Variants in CCT6A observed in about 807,000 individuals in gnomAD.
The protein encoded by CCT6A is chaperonin containing TCP1 subunit 6A.
A neutral mutation model predicts 58.6 loss-of-function variants in CCT6A; 6 were observed. The observed-to-expected ratio is 0.10, with a 90% CI of 0.06 to 0.20. The LOEUF (loss-of-function observed/expected upper bound fraction) is 0.20, where lower values mean the gene tolerates loss of function less well. Ranked by LOEUF, CCT6A falls within the 10% of genes least tolerant of loss-of-function variation. The probability of loss-of-function intolerance (pLI) is 1.00; values close to 1 mark genes in which losing one functional copy is unlikely to be tolerated. For missense variants in CCT6A, 516 were observed against 648.8 expected (o/e 0.80, Z 2.22); for synonymous variants, 245 against 227.8 (o/e 1.08, Z -0.68).
At chr7:56,057,495 A>G (rs1487763126) in intron 5 of CCT6A, among the ~76,000 whole-genome samples, 1 of 152,008 alleles carries the variant, frequency 6.6e-6, no homozygotes, top group Admixed American at 6.6e-5. Flanking sequence ...CTTGGTAGAA[A>G]ACATGTTTTT....
chr7:56,063,131 C>A lies in CCT6A; in HGVS notation c.*46C>A. On this transcript the variant is annotated 3_prime_UTR_variant, in exon 14 of 14. Transcript: ENST00000275603. ...TGAATCTTGAAGACTGCAAAGTGAT[C>A]CTGAGGATTACAGCTGTGGAATTTT... 1 of 1,272,266 alleles carries A rather than the reference C, an allele frequency of 7.9e-7. No individual in the cohort carries two copies. The highest frequency in any genetic ancestry group is 1.2e-6 in the Non-Finnish European group (1 of 867,744). The allele number at this position is 1,272,266 out of a possible 1,614,324, so 78.8% of individuals were successfully genotyped here. A position where few individuals can be genotyped will look rare whatever the true frequency, so the allele number is the denominator to read the frequency against.
intron 7 of CCT6A, 22 bp from the exon 8 acceptor site, chr7:56,058,598 T>C: frequency 1.3e-6 from 2 of 1,590,730 alleles, no homozygotes; most frequent in Non-Finnish European, 1.7e-6. Flanking sequence ...GATGTTGAAA[T>C]TAATTTTTAT....
intron 11 of CCT6A, among the ~76,000 whole-genome samples, chr7:56,061,484 C>T (rs1480377004): frequency 6.8e-6 from 1 of 146,012 alleles, no homozygotes; most frequent in African/African-American, 2.5e-5. Context: ...GCTGGGATTA[C>T]AGGCACCTGC....
At chr7:56,052,615 C>T (rs1038031986) in intron 2 of CCT6A, 130 bp downstream of exon 2, 1 of 759,306 alleles carries the variant, frequency 1.3e-6, no homozygotes, top group Non-Finnish European at 2.3e-6. Flanking sequence ...CAGTAATAGT[C>T]CTGAGTGCCT....
intron 5 of CCT6A, among the ~76,000 whole-genome samples, chr7:56,057,462 C>G (rs1034768402): frequency 6.6e-6 from 1 of 151,968 alleles, no homozygotes; most frequent in African/African-American, 2.4e-5. Context: ...CTTCTGCCTC[C>G]GTAAGTGCTG....
rs778235783 is a variant in CCT6A at position 56,060,948 on chromosome 7, T to C, written c.1347+8T>C. 21 of 1,594,336 alleles carry C rather than the reference T, an allele frequency of 1.3e-5. No individual in the cohort carries two copies. The highest frequency in any genetic ancestry group is 1.7e-5 in the Non-Finnish European group (20 of 1,173,650). ...TTGCTCATTATTCCCAAGGTGTGCA[T>C]GCTTTTAACAGTCAATCTTCCAAAA... is the stretch of plus-strand genomic sequence containing the variant. On this transcript the variant is annotated splice_region_variant and intron_variant, in intron 11 of 13. Transcript: ENST00000275603.
intron 10 of CCT6A, 49 bp from the exon 11 acceptor site, chr7:56,060,758 A>G (rs1255773515): frequency 6.3e-7 from 1 of 1,575,570 alleles, no homozygotes; most frequent in East Asian, 2.2e-5. Context: ...GTTATTCATA[A>G]TTAGTTCTGC....
chr7:56,061,037 C>T, intron 11 of CCT6A, 97 bp downstream of exon 11: 1 of 1,327,994 alleles, frequency 7.5e-7, no homozygotes, highest in Non-Finnish European at 1.0e-6. Context: ...TTTGGATAAG[C>T]AAGTTTGATC....
intron 11 of CCT6A, 69 bp from the exon 12 acceptor site, chr7:56,061,678 T>TCC: frequency 2.6e-6 from 1 of 378,656 alleles, no homozygotes; most frequent in Non-Finnish European, 4.7e-6. Context: ...CTTTTTTTTT[T>TCC]TTTTTTTTTT....
In CCT6A at chr7:56,060,950, C is replaced by G. The variant is rs777482357; in HGVS notation, c.1347+10C>G. On this transcript the variant is annotated intron_variant, in intron 11 of 13. Coordinates refer to ENST00000275603, the MANE Select transcript of CCT6A (RefSeq NM_001762.4). ...GCTCATTATTCCCAAGGTGTGCATG[C>G]TTTTAACAGTCAATCTTCCAAAAGA... is the stretch of plus-strand genomic sequence containing the variant. 6.3e-7 allele frequency: 1 copy of G among 1,587,210 alleles called. No individual in the cohort carries two copies. The highest frequency in any genetic ancestry group is 8.5e-7 in the Non-Finnish European group (1 of 1,170,588).
In CCT6A at chr7:56,060,264, C is replaced by T. The variant is rs372118584; in HGVS notation, c.1066-5C>T. ...TTTTGAAAATCATATTTTTTCTACA[C>T]ATAGGGAGAAGAGAAGTTTACCTTT... On this transcript the variant is annotated splice_region_variant and splice_polypyrimidine_tract_variant and intron_variant, in intron 9 of 13. Transcript: ENST00000275603. 6.2e-7 allele frequency: 1 copy of T among 1,612,352 alleles called. No individual in the cohort carries two copies. The highest frequency in any genetic ancestry group is 8.5e-7 in the Non-Finnish European group (1 of 1,178,466).
intron 2 of CCT6A, 89 bp from the exon 3 acceptor site, chr7:56,054,280 A>C: frequency 9.1e-7 from 1 of 1,096,020 alleles, no homozygotes; most frequent in Non-Finnish European, 1.3e-6. Context: ...AGTAGATAGC[A>C]CTCAAAGAGG....
chr7:56,062,326 T>G (rs1794465943), intron 12 of CCT6A, among the ~76,000 whole-genome samples: 1 of 152,190 alleles, frequency 6.6e-6, no homozygotes, highest in Admixed American at 6.6e-5. Context: ...AACAGGTACC[T>G]CCATGCAGTA....
Position 56,055,745 on chromosome 7 carries a change from G to A in CCT6A, c.458G>A (p.Arg153Lys). The change falls in exon 4 of 14, where the codon AGA becomes AAA. Residue 153 changes from arginine to lysine, a missense_variant. Coordinates refer to ENST00000275603, the MANE Select transcript of CCT6A (RefSeq NM_001762.4). ...MDRETLIDVARTSLRTKVHAE... is the reference protein window; with the variant it reads ...MDRETLIDVAKTSLRTKVHAE... The stretch of plus-strand genomic sequence containing the variant: ...AGGGAAACACTTATAGATGTGGCCA[G>A]AACATCTCTTCGTACTAAAGTTCAT... 1 of 1,613,728 alleles carries A rather than the reference G, an allele frequency of 6.2e-7. No individual in the cohort carries two copies.
chr7:56,061,690 TTTTTACTATCAGTTATTAGTTCCTG>T, intron 11 of CCT6A, 32 bp from the exon 12 acceptor site: 1 of 560,358 alleles, frequency 1.8e-6, no homozygotes, highest in Non-Finnish European at 3.1e-6. Flanking sequence ...TTTTTTTTTT[TTTTTACTATCAGTTATTAGTTCCTG>T]TTTTCTCAAG....
At chr7:56,057,898 C>T in intron 5 of CCT6A, 95 bp from the exon 6 acceptor site, 5 of 724,800 alleles carry the variant, frequency 6.9e-6, no homozygotes, top group Non-Finnish European at 1.2e-5. Flanking sequence ...AAAAATGTGA[C>T]TGCGTGAAAT....
At chr7:56,057,910 T>G (rs1489704321) in intron 5 of CCT6A, 83 bp from the exon 6 acceptor site, 1 of 783,682 alleles carries the variant, frequency 1.3e-6, no homozygotes, top group African/African-American at 1.7e-5. Context: ...GCGTGAAATA[T>G]CAATACCTTC....
rs191115323 is a variant in CCT6A, at chr7:56,056,669, C to T, written c.614+255C>T. ...CCTGGGAGGCGGAGGTTGCAGTGAG[C>T]TGAGACCACACCATTGCACTCCAGC... On this transcript the variant is annotated intron_variant, in intron 5 of 13. Transcript: ENST00000275603. 6.0e-4 allele frequency among the ~76,000 whole-genome samples: 91 copies of T among 151,676 alleles called. 1 individual carries two copies. In the East Asian group the frequency reaches 9.5e-3, roughly 16 times the overall value.
intron 1 of CCT6A, 107 bp from the exon 2 acceptor site, chr7:56,052,315 C>G: frequency 1.1e-6 from 1 of 946,688 alleles, no homozygotes; most frequent in East Asian, 2.4e-5. Flanking sequence ...ACATAACTAG[C>G]CCCACATCCC....
Sources: gnomAD v4.1 joint callset for allele counts (sites outside exome capture counted in the v4.1 genomes callset) on GRCh38, gnomAD v4.1.1 for gene constraint, MANE v1.5 for transcripts, NCBI Gene and HGNC (gene_info 2026-07-23, HGNC 2026-07-21) for gene names.